The following ASXL1 variants were observed in gnomAD, a reference collection of about 807,000 sequenced individuals.
ASXL1 encodes polycomb group protein ASXL1.
Under a neutral mutation model 89.1 loss-of-function variants are expected in ASXL1, and 65 were observed. That is an observed-to-expected ratio of 0.73 (90% CI 0.60 to 0.90). ASXL1 has a LOEUF of 0.90. Among genes scored for constraint, ASXL1 ranks in the 40% least tolerant of loss-of-function variants. The pLI, the probability that ASXL1 is intolerant of heterozygous loss-of-function variation, is 0.00. For synonymous variants in ASXL1, 739 were observed against 746.9 expected, an observed-to-expected ratio of 0.99 and a Z score of 0.17; for missense variants, 1,786 against 1,942.9, an observed-to-expected ratio of 0.92 and a Z score of 1.52.
Position 32,432,881 on chromosome 20 carries a change from T to A in ASXL1, c.981T>A (p.Gly327=). ...TAGAAGAGGTTTATTTCTCCCTAGG[T>A]GAATTTACTCATGAGATGCAAGTCA... The part of the protein sequence containing the change: ...AQSWRERLAD[G]EFTHEMQVRI... Residue 327 remains glycine (G), a splice_region_variant and synonymous_variant, in exon 11 of 13, where the codon GGT becomes GGA. Coordinates refer to ENST00000375687, the MANE Select transcript of ASXL1 (RefSeq NM_015338.6). 6.2e-7 allele frequency: 1 copy of A among 1,613,782 alleles called. No homozygotes were observed. Among genetic ancestry groups the A allele is most frequent in the Non-Finnish European group, 8.5e-7 (1 of 1,179,950 alleles).
At chr20:32,422,022 C>T (rs1162365558) in intron 4 of ASXL1, among the ~76,000 whole-genome samples, 1 of 150,972 alleles carries the variant, frequency 6.6e-6, no homozygotes, top group African/African-American at 2.4e-5. Context: ...GCGACCGCCA[C>T]CACTCCTGGC....
At chr20:32,359,414 C>T (rs1302150039) in intron 1 of ASXL1, 3 of 702,264 alleles carry the variant, frequency 4.3e-6, no homozygotes, top group Non-Finnish European at 7.8e-6. Context: ...CTGTGGGCGA[C>T]ACCTGGGAGG....
At chr20:32,387,300 TA>T (rs372802930) in intron 4 of ASXL1, among the ~76,000 whole-genome samples, 1 of 152,024 alleles carries the variant, frequency 6.6e-6, no homozygotes, top group Non-Finnish European at 1.5e-5. Flanking sequence ...ATAAAATACA[TA>T]AAAAATTTAA....
chr20:32,408,223 CA>C (rs2048987790), intron 4 of ASXL1, among the ~76,000 whole-genome samples: 1 of 152,170 alleles, frequency 6.6e-6, no homozygotes, highest in African/African-American at 2.4e-5. Flanking sequence ...CTTGAGTCAC[CA>C]TGCCTGGCCT....
rs1261856158 is a variant in ASXL1 at position 32,435,026 on chromosome 20, G to C, written c.2314G>C (p.Ala772Pro). 1 of 1,614,056 alleles carries C rather than the reference G, an allele frequency of 6.2e-7. No individual in the cohort carries two copies. Among genetic ancestry groups the C allele is most frequent in the East Asian group, 2.2e-5 (1 of 44,890 alleles). ...CCTACTGTCCTCCCAAACCTCAGTA[G>C]CTGAGAGATTAGTGGAGCAGCCTCA... ...LPLLSSQTSV[A>P]ERLVEQPQLH... is the part of the protein sequence containing the mutation. The change falls in exon 13 of 13, where the codon GCT becomes CCT. Residue 772 changes from alanine (A) to proline (P), a missense_variant. Ala to Pro is a conservative substitution (Grantham distance 27). Transcript: ENST00000375687.
intron 4 of ASXL1, among the ~76,000 whole-genome samples, chr20:32,405,304 C>G (rs1453286552): frequency 6.6e-6 from 1 of 152,020 alleles, no homozygotes; most frequent in Admixed American, 6.6e-5. Context: ...TTTTGAACTT[C>G]TGGGCTCAAG....
chr20:32,376,542 T>C (rs888559662), intron 4 of ASXL1, among the ~76,000 whole-genome samples: 5 of 151,316 alleles, frequency 3.3e-5, no homozygotes, highest in Non-Finnish European at 7.4e-5. Flanking sequence ...CCCCAAAGTG[T>C]TGGGATTACA....
At position 32,377,163 on chromosome 20, in the gene ASXL1, ATATAT is replaced by A. The variant is rs201457718; in HGVS notation, c.252+8046_252+8050del. Among the ~76,000 whole-genome samples the A allele has an allele frequency of 4.9e-3, 704 of 143,320 alleles. 4 individuals are homozygous for A. Among genetic ancestry groups the A allele is most frequent in the Non-Finnish European group, 6.9e-3 (461 of 66,580 alleles). 94.0% of individuals were successfully genotyped at this position (143,320 alleles called of 152,430 possible). On this transcript the variant is annotated intron_variant, in intron 4 of 12. Transcript: ENST00000375687. Reference sequence around the variant, plus strand: ...TTATATATTATACAGATATCTATAAATATATTATATATAATATATTATAGATATAT... The same window carrying A: ...TTATATATTATACAGATATCTATAAATATATATAATATATTATAGATATAT...
chr20:32,359,734 T>A (rs2122762298), intron 1 of ASXL1: 2 of 718,100 alleles, frequency 2.8e-6, no homozygotes, highest in Admixed American at 2.0e-5. Flanking sequence ...TTTGAAGCCG[T>A]CTCGTTCAAC....
At chr20:32,434,067 T>G in intron 12 of ASXL1, 150 bp downstream of exon 12, 1 of 1,116,232 alleles carries the variant, frequency 9.0e-7, no homozygotes. Flanking sequence ...AGCCTTCAAG[T>G]TTAGTGAGAT....
Position 32,420,828 on chromosome 20 carries a change from ATACT to A in ASXL1, c.253-7297_253-7294del, listed in dbSNP as rs2049231047. ...AAAAATGGGTGAAAGACTTGAACAG[ATACT>A]TAAAGAGGAAGATATGAATATGGCC... is the stretch of plus-strand genomic sequence containing the variant. On this transcript the variant is annotated intron_variant, in intron 4 of 12. Coordinates refer to ENST00000375687, the MANE Select transcript of ASXL1 (RefSeq NM_015338.6). Among the ~76,000 whole-genome samples, 11 of 152,328 alleles carry A rather than the reference ATACT, an allele frequency of 7.2e-5. No individual in the cohort carries two copies. The South Asian group carries it at 2.3e-3, about 32-fold the overall frequency.
chr20:32,430,009 A>G lies in ASXL1; in HGVS notation c.674A>G (p.Gln225Arg), dbSNP rs1460951231. 1.9e-6 allele frequency: 3 copies of G among 1,608,002 alleles called. No individual in the cohort carries two copies. The highest frequency in any genetic ancestry group is 2.7e-5 in the African/African-American group (2 of 75,058). ...AAIRGQAEVTQDPAPLLRGFR... is the reference protein window; with the variant it reads ...AAIRGQAEVTRDPAPLLRGFR... ...ATTCGTGGCCAGGCCGAGGTCACCC[A>G]GGACCCTGCCCCGCTCCTGAGAGGC... is the stretch of plus-strand genomic sequence containing the variant. Residue 225 changes from glutamine (Q) to arginine (R), a missense_variant, in exon 8 of 13, where the codon CAG becomes CGG. Gln to Arg is a conservative substitution (Grantham distance 43). Coordinates refer to ENST00000375687, the MANE Select transcript of ASXL1 (RefSeq NM_015338.6).
rs773913292 is a variant in ASXL1 at position 32,436,116 on chromosome 20, A to G, written c.3404A>G (p.Gln1135Arg). 2.0e-5 allele frequency: 33 copies of G among 1,614,010 alleles called. No homozygotes were observed. In the South Asian group the frequency reaches 3.6e-4, roughly 18 times the overall value. The stretch of plus-strand genomic sequence containing the variant: ...GATGACAGCATGTCAGAATCCCCAC[A>G]AGTACCACTTACAAAAGACCAGAGC... ...AHDDSMSESP[Q>R]VPLTKDQSHG... The change falls in exon 13 of 13, where the codon CAA becomes CGA. Residue 1135 changes from glutamine to arginine, a missense_variant. Gln to Arg is a conservative substitution (Grantham distance 43). This residue lies in a region of ASXL1 where 1,418 missense variants were observed against 1,427.8 expected (regional missense o/e 0.99). Transcript: ENST00000375687.
intron 1 of ASXL1, among the ~76,000 whole-genome samples, chr20:32,363,114 G>C (rs2048148789): frequency 6.6e-6 from 1 of 152,142 alleles, no homozygotes; most frequent in Non-Finnish European, 1.5e-5. Flanking sequence ...CCAAGAGCTG[G>C]AGGCATAAAC....
At chr20:32,413,682 A>G (rs2049088226) in intron 4 of ASXL1, among the ~76,000 whole-genome samples, 1 of 151,774 alleles carries the variant, frequency 6.6e-6, no homozygotes, top group Non-Finnish European at 1.5e-5. Flanking sequence ...AAAACTGGAA[A>G]CTCCCAGGCA....
At chr20:32,430,795 T>G in intron 8 of ASXL1, 1 of 321,332 alleles carries the variant, frequency 3.1e-6, no homozygotes, top group Non-Finnish European at 5.9e-6. Flanking sequence ...TCCTAGTGAG[T>G]TTTTCAGATA....
chr20:32,398,603 G>GTTTTTTTTTTTTTTT (rs375341392), intron 4 of ASXL1, among the ~76,000 whole-genome samples: 11 of 126,408 alleles, frequency 8.7e-5, no homozygotes, highest in East Asian at 2.3e-4. Context: ...TTTTTTGTTT[G>GTTTTTTTTTTTTTTT]TTTTTTTTTT....
chr20:32,411,475 G>A (rs1016206086), intron 4 of ASXL1, among the ~76,000 whole-genome samples: 3 of 148,854 alleles, frequency 2.0e-5, no homozygotes, highest in East Asian at 4.0e-4. Flanking sequence ...CGATCCACCC[G>A]CCTCAGCCTC....
chr20:32,387,986 C>T (rs1363751000), intron 4 of ASXL1, among the ~76,000 whole-genome samples: 2 of 152,168 alleles, frequency 1.3e-5, no homozygotes, highest in East Asian at 1.9e-4. Flanking sequence ...TCCCTTTGCT[C>T]TTGTGGCACA....
Sources: gnomAD v4.1 joint callset for allele counts (sites outside exome capture counted in the v4.1 genomes callset) on GRCh38, gnomAD v4.1.1 for gene constraint, gnomAD v4.1.1 regional missense constraint, MANE v1.5 for transcripts, NCBI Gene and HGNC (gene_info 2026-07-23, HGNC 2026-07-21) for gene names.